Variants in ARSF observed in about 807,000 individuals in gnomAD.
ARSF encodes the protein arylsulfatase F.
A neutral mutation model predicts 35.4 loss-of-function variants in ARSF; 33 were observed. The observed-to-expected ratio is 0.93, with a 90% CI of 0.71 to 1.25. ARSF has a LOEUF of 1.25. ARSF is among the 50% of genes most tolerant of loss of function. The probability of loss-of-function intolerance (pLI) is 0.00; values close to 1 mark genes in which losing one functional copy is unlikely to be tolerated. For missense variants in ARSF, 501 were observed against 480.2 expected (o/e 1.04, Z -0.40); for synonymous variants, 222 against 193.1 (o/e 1.15, Z -1.24).
At chrX:3,074,123 A>T (rs1037251682) in intron 3 of ARSF, among the ~76,000 whole-genome samples, 7 of 110,888 alleles carry the variant, frequency 6.3e-5, no homozygotes, top group Non-Finnish European at 1.3e-4. Flanking sequence ...ACCATTGCTT[A>T]TGAGAAAAGA....
chrX:3,040,618 A>G (rs1297972990), upstream of ARSF, among the ~76,000 whole-genome samples: 1 of 111,007 alleles, frequency 9.0e-6, no homozygotes, highest in Non-Finnish European at 1.9e-5. Context: ...CTCAGCTTGG[A>G]AAAGAAAGGG....
chrX:3,098,192 T>G (rs2090351568), intron 7 of ARSF, among the ~76,000 whole-genome samples: 1 of 109,804 alleles, frequency 9.1e-6, no homozygotes, highest in Admixed American at 9.8e-5. Flanking sequence ...CTCAAATACC[T>G]GAGCTCAAGG....
intron 6 of ARSF, among the ~76,000 whole-genome samples, chrX:3,086,098 A>G (rs1322742049): frequency 9.0e-6 from 1 of 111,588 alleles, no homozygotes; most frequent in Non-Finnish European, 1.9e-5. Flanking sequence ...TGTCACTTAG[A>G]GCAAATCTTT....
intron 3 of ARSF, among the ~76,000 whole-genome samples, chrX:3,075,500 C>CTCTCTCTCTG (rs1171229648): frequency 9.4e-6 from 1 of 106,259 alleles, no homozygotes; most frequent in African/African-American, 3.5e-5. Context: ...CTCTTTCTAT[C>CTCTCTCTCTG]TCTCTCTCTG....
chrX:3,052,036 A>C (rs2089998994), intron 1 of ARSF, among the ~76,000 whole-genome samples: 1 of 111,384 alleles, frequency 9.0e-6, no homozygotes, highest in Non-Finnish European at 1.9e-5. Context: ...AACAAAAAAA[A>C]ACTTGTATTC....
intron 5 of ARSF, among the ~76,000 whole-genome samples, chrX:3,083,712 CT>C (rs2090222805): frequency 8.9e-6 from 1 of 111,830 alleles, no homozygotes; most frequent in African/African-American, 3.2e-5. Flanking sequence ...TATTATCTAT[CT>C]ATATATCTAC....
At chrX:3,065,089 G>A (rs187259706) in intron 1 of ARSF, among the ~76,000 whole-genome samples, 1 of 111,493 alleles carries the variant, frequency 9.0e-6, no homozygotes, top group Non-Finnish European at 1.9e-5. Flanking sequence ...TAGACACCAT[G>A]GAATACTATG....
At chrX:3,100,891 G>C (rs1053131894) in intron 7 of ARSF, among the ~76,000 whole-genome samples, 196 bp from the exon 8 acceptor site, 1 of 111,457 alleles carries the variant, frequency 9.0e-6, no homozygotes, top group African/African-American at 3.3e-5. Flanking sequence ...CACCGCGCCC[G>C]GCCTGACTCT....
At chrX:3,068,219 T>G (rs2090080008) in intron 2 of ARSF, 108 bp downstream of exon 2, 1 of 683,661 alleles carries the variant, frequency 1.5e-6, no homozygotes, top group South Asian at 4.1e-5. Flanking sequence ...CATCTGCCTT[T>G]TTTTCTTTTT....
intron 1 of ARSF, among the ~76,000 whole-genome samples, chrX:3,047,511 A>G (rs922854470): frequency 4.5e-5 from 5 of 111,076 alleles, no homozygotes; most frequent in African/African-American, 1.6e-4. Context: ...CACAGAAAGA[A>G]AGAGCATGTT....
At chrX:3,072,793 T>C (rs1342696428) in intron 3 of ARSF, among the ~76,000 whole-genome samples, 2 of 106,740 alleles carry the variant, frequency 1.9e-5, no homozygotes, top group Non-Finnish European at 3.8e-5. Context: ...ATATGTGATA[T>C]ATTCATATAT....
intron 1 of ARSF, among the ~76,000 whole-genome samples, chrX:3,054,545 C>T (rs2090009677): frequency 1.8e-5 from 2 of 110,613 alleles, no homozygotes; most frequent in African/African-American, 3.3e-5. Flanking sequence ...CTCAAACCAT[C>T]GTCTTGCCTT....
intron 7 of ARSF, among the ~76,000 whole-genome samples, chrX:3,095,884 G>A (rs751608428): frequency 2.0e-4 from 22 of 108,751 alleles, no homozygotes; most frequent in African/African-American, 6.6e-4. Flanking sequence ...CTATATATAT[G>A]TATATGTAGT....
intron 7 of ARSF, among the ~76,000 whole-genome samples, chrX:3,092,025 A>G (rs1464365892): frequency 1.8e-5 from 2 of 111,360 alleles, no homozygotes; most frequent in Non-Finnish European, 3.8e-5. Flanking sequence ...AGATATATAG[A>G]TGATAGATGG....
Position 3,087,764 on chromosome X carries a change from C to T in ARSF, c.831-1732C>T, listed in dbSNP as rs189181355. ...GGCTGGTGGTTGCATTACTCCATTT[C>T]CACATGGCCTCTTCTTCTGTGCTTG... On this transcript the variant is annotated intron_variant, in intron 6 of 10. Coordinates refer to ENST00000381127, the MANE Select transcript of ARSF (RefSeq NM_001201539.2). Among the ~76,000 whole-genome samples the T allele has an allele frequency of 1.8e-3, 203 of 111,255 alleles. 1 individual carries two copies. The highest frequency in any genetic ancestry group is 5.1e-3 in the African/African-American group (156 of 30,673).
intron 1 of ARSF, among the ~76,000 whole-genome samples, chrX:3,065,113 T>C (rs896574034): frequency 4.5e-5 from 5 of 111,255 alleles, no homozygotes; most frequent in African/African-American, 1.6e-4. Flanking sequence ...CCATAAAAAA[T>C]GATAAGTTAA....
chrX:3,073,628 A>G (rs1457405233), intron 3 of ARSF, among the ~76,000 whole-genome samples: 2 of 101,086 alleles, frequency 2.0e-5, no homozygotes, highest in Non-Finnish European at 2.0e-5. Context: ...TTATAAATAT[A>G]TTTATAAATA....
At chrX:3,051,044 A>C (rs183871778) in intron 1 of ARSF, among the ~76,000 whole-genome samples, 27 of 111,225 alleles carry the variant, frequency 2.4e-4, no homozygotes, top group African/African-American at 8.2e-4. Context: ...TAACCGCCTG[A>C]TGCTCGCCTG....
intron 5 of ARSF, among the ~76,000 whole-genome samples, chrX:3,081,298 G>T (rs2090200002): frequency 9.0e-6 from 1 of 111,305 alleles, no homozygotes; most frequent in Admixed American, 9.6e-5. Context: ...TACTCCAGAG[G>T]CTGAGGTGGG....
Sources: allele counts gnomAD v4.1 joint callset (sites outside exome capture counted in the v4.1 genomes callset), GRCh38; gene constraint gnomAD v4.1.1; transcripts MANE v1.5; gene names NCBI Gene and HGNC (gene_info 2026-07-23, HGNC 2026-07-21).